CSMD1: variants seen among roughly 807,000 people sequenced by gnomAD.
The protein encoded by CSMD1 is CUB and Sushi multiple domains 1.
Under a neutral mutation model 417.5 loss-of-function variants are expected in CSMD1, and 213 were observed. That is an observed-to-expected ratio of 0.51 (90% CI 0.46 to 0.57). The LOEUF (loss-of-function observed/expected upper bound fraction) is 0.57, where lower values mean the gene tolerates loss of function less well. CSMD1 is among the 20% of genes least tolerant of loss of function. The probability of loss-of-function intolerance (pLI) is 0.00; values close to 1 mark genes in which losing one functional copy is unlikely to be tolerated. For missense variants in CSMD1, 6,923 were observed against 4,529.7 expected, an observed-to-expected ratio of 1.53 and a Z score of -15.17; for synonymous variants, 2,862 against 1,736.8, an observed-to-expected ratio of 1.65 and a Z score of -16.11.
chr8:4,444,918 T>G (rs987637981), intron 2 of CSMD1, among the ~76,000 whole-genome samples: 1 of 152,202 alleles, frequency 6.6e-6, no homozygotes, highest in East Asian at 1.9e-4. Context: ...TCTTACATAT[T>G]TGCTCCCTTC....
intron 10 of CSMD1, among the ~76,000 whole-genome samples, chr8:3,529,445 AAGAC>A (rs1010261686): frequency 2.6e-5 from 4 of 152,190 alleles, no homozygotes; most frequent in Non-Finnish European, 5.9e-5. Flanking sequence ...GAATTTTTGT[AAGAC>A]AGAATCATAA....
At chr8:3,993,035 G>C (rs1464203033) in intron 5 of CSMD1, among the ~76,000 whole-genome samples, 1 of 152,234 alleles carries the variant, frequency 6.6e-6, no homozygotes, top group Non-Finnish European at 1.5e-5. Context: ...CCTGGCTGGA[G>C]CCCTGGACCA....
At chr8:3,376,685 A>G (rs1259100072) in intron 18 of CSMD1, among the ~76,000 whole-genome samples, 1 of 152,108 alleles carries the variant, frequency 6.6e-6, no homozygotes, top group African/African-American at 2.4e-5. Flanking sequence ...CTTCTTTAAC[A>G]TTTGAATGTG....
chr8:4,113,414 T>TAAA, intron 3 of CSMD1, among the ~76,000 whole-genome samples: 1 of 140,012 alleles, frequency 7.1e-6, no homozygotes, highest in Non-Finnish European at 1.6e-5. Flanking sequence ...TTTTTTTTTT[T>TAAA]TTTTAAATGA....
chr8:4,205,920 C>G (rs2131270203), intron 3 of CSMD1, among the ~76,000 whole-genome samples: 1 of 152,254 alleles, frequency 6.6e-6, no homozygotes, highest in African/African-American at 2.4e-5. Flanking sequence ...CCTCCTGCAG[C>G]CACGTTTTTC....
intron 2 of CSMD1, among the ~76,000 whole-genome samples, chr8:4,432,651 C>A (rs1797933070): frequency 6.6e-6 from 1 of 152,114 alleles, no homozygotes; most frequent in South Asian, 2.1e-4. Context: ...TAAGACCATG[C>A]AGGTGGAGAG....
chr8:4,774,967 CT>C (rs1287183234), intron 1 of CSMD1, among the ~76,000 whole-genome samples: 1 of 152,128 alleles, frequency 6.6e-6, no homozygotes, highest in Non-Finnish European at 1.5e-5. Flanking sequence ...AATTAAACCC[CT>C]TTTGTTTACA....
chr8:4,120,775 T>A (rs4875286), intron 3 of CSMD1, among the ~76,000 whole-genome samples: 150,721 of 152,360 alleles, frequency 0.99, 74,574 homozygotes, highest in East Asian at 1. Flanking sequence ...AGTTAAAACA[T>A]GTCACTTTCC....
At chr8:4,942,341 A>G (rs1056977086) in intron 1 of CSMD1, among the ~76,000 whole-genome samples, 2 of 151,284 alleles carry the variant, frequency 1.3e-5, no homozygotes, top group African/African-American at 4.9e-5. Flanking sequence ...AGAATAACCC[A>G]TTGCTTTCTC....
intron 4 of CSMD1, among the ~76,000 whole-genome samples, chr8:4,016,081 A>G (rs922604595): frequency 2.0e-5 from 3 of 152,178 alleles, no homozygotes; most frequent in Non-Finnish European, 2.9e-5. Flanking sequence ...AAATCTACCC[A>G]TTAATATTTA....
At chr8:3,885,328 C>G (rs1406693234) in intron 5 of CSMD1, among the ~76,000 whole-genome samples, 1 of 152,086 alleles carries the variant, frequency 6.6e-6, no homozygotes, top group African/African-American at 2.4e-5. Flanking sequence ...TATTTATTGG[C>G]ACACTTAGTG....
intron 27 of CSMD1, among the ~76,000 whole-genome samples, chr8:3,224,514 G>C (rs1306537939): frequency 6.6e-6 from 1 of 152,170 alleles, no homozygotes; most frequent in Non-Finnish European, 1.5e-5. Context: ...ATATTTCAAA[G>C]TGGCAAAACA....
intron 1 of CSMD1, among the ~76,000 whole-genome samples, chr8:4,892,596 A>G (rs1170911146): frequency 6.6e-6 from 1 of 152,172 alleles, no homozygotes; most frequent in East Asian, 1.9e-4. Context: ...AAATATATAC[A>G]GAAAAAAGTA....
chr8:3,080,250 G>C (rs946745294), intron 49 of CSMD1, among the ~76,000 whole-genome samples: 1 of 152,146 alleles, frequency 6.6e-6, no homozygotes, highest in African/African-American at 2.4e-5. Context: ...ATAATACAGA[G>C]AATTTCAGTT....
At chr8:3,303,755 T>A (rs933309341) in intron 25 of CSMD1, among the ~76,000 whole-genome samples, 1 of 152,206 alleles carries the variant, frequency 6.6e-6, no homozygotes, top group Non-Finnish European at 1.5e-5. Context: ...TGCCCAGCAA[T>A]GAAATATGCT....
At chr8:3,425,222 G>C (rs1305201071) in intron 12 of CSMD1, among the ~76,000 whole-genome samples, 2 of 152,272 alleles carry the variant, frequency 1.3e-5, no homozygotes, top group East Asian at 1.9e-4. Flanking sequence ...AATACATATG[G>C]CTTGGTTTCA....
intron 2 of CSMD1, among the ~76,000 whole-genome samples, chr8:4,618,302 C>G (rs749753976): frequency 1.1e-5 from 1 of 93,576 alleles, no homozygotes; most frequent in Non-Finnish European, 2.2e-5. Context: ...AGCCATGTCC[C>G]TCATAAGCAG....
intron 3 of CSMD1, among the ~76,000 whole-genome samples, chr8:4,083,970 C>A (rs1256454086): frequency 3.3e-5 from 5 of 152,092 alleles, no homozygotes; most frequent in Non-Finnish European, 5.9e-5. Context: ...TATCCAGAAT[C>A]TACAATGAAC....
chr8:4,365,361 C>T (rs747859294), intron 3 of CSMD1, among the ~76,000 whole-genome samples: 4 of 152,178 alleles, frequency 2.6e-5, no homozygotes, highest in African/African-American at 2.4e-5. Context: ...AATCATGCAT[C>T]ATTTTTTCAC....
Sources: allele counts gnomAD v4.1 joint callset (sites outside exome capture counted in the v4.1 genomes callset), GRCh38; gene constraint gnomAD v4.1.1; transcripts MANE v1.5; gene names NCBI Gene and HGNC (gene_info 2026-07-23, HGNC 2026-07-21).